Variants in LONP2 observed in about 807,000 individuals in gnomAD.
LONP2 encodes the protein lon peptidase 2, peroxisomal.
In LONP2, 60 loss-of-function variants were observed where a neutral mutation model predicts 85.6. That is an observed-to-expected ratio of 0.70 (90% CI 0.57 to 0.87). The LOEUF (loss-of-function observed/expected upper bound fraction) is 0.87, where lower values mean the gene tolerates loss of function less well. Ranked by LOEUF, LONP2 falls within the 40% of genes least tolerant of loss-of-function variation. The pLI is 0.00. For synonymous variants in LONP2, 395 were observed against 389.7 expected (o/e 1.01, Z -0.16); for missense variants, 860 against 1,063.5 (o/e 0.81, Z 2.66).
In LONP2 at chr16:48,252,295, T is replaced by G. The variant is rs1443197012; in HGVS notation, c.398T>G (p.Phe133Cys). The change falls in exon 2 of 15, where the codon TTT becomes TGT. Residue 133 changes from phenylalanine to cysteine, a missense_variant. Around this residue, in one of 3 missense-constraint regions of LONP2, gnomAD observed 743 missense variants for 917.3 expected, o/e 0.81. Coordinates refer to ENST00000285737, the MANE Select transcript of LONP2 (RefSeq NM_031490.5). Reference protein sequence around the residue: ...EVEQLDRLEEFPNTCKMREEL... With the variant: ...EVEQLDRLEECPNTCKMREEL... ...GAGCAGTTGGACCGACTTGAGGAGT[T>G]TCCCAACACCTGTAAAATGAGGGAG... 6.2e-7 allele frequency: 1 copy of G among 1,614,028 alleles called. No homozygotes were observed. Among genetic ancestry groups the G allele is most frequent in the Non-Finnish European group, 8.5e-7 (1 of 1,179,958 alleles).
At position 48,291,571 on chromosome 16, in the gene LONP2, G is replaced by A. The variant is rs188159577; in HGVS notation, c.1384-4444G>A. Among the ~76,000 whole-genome samples, 3 of 152,314 alleles carry A rather than the reference G, an allele frequency of 2.0e-5. No homozygotes were observed. The East Asian group carries it at 5.8e-4, about 29-fold the overall frequency. ...CTATTTCCATTCCCAGTCATACTTT[G>A]TAGGTAGGAATTATAGTCCTAGGAT... On this transcript the variant is annotated intron_variant, in intron 8 of 14. Transcript: ENST00000285737.
At chr16:48,258,277 G>T (rs1971803144) in intron 3 of LONP2, among the ~76,000 whole-genome samples, 1 of 151,786 alleles carries the variant, frequency 6.6e-6, no homozygotes, top group African/African-American at 2.4e-5. Context: ...AACCCAGGAG[G>T]GGGAGCTTGC....
chr16:48,307,164 G>T (rs9940237), intron 11 of LONP2, among the ~76,000 whole-genome samples: 425 of 152,292 alleles, frequency 2.8e-3, no homozygotes, highest in African/African-American at 9.7e-3. Context: ...GTGAGATTTA[G>T]AATTGATCGA....
At chr16:48,285,262 G>A (rs1469295861) in intron 8 of LONP2, among the ~76,000 whole-genome samples, 2 of 151,876 alleles carry the variant, frequency 1.3e-5, no homozygotes, top group Non-Finnish European at 2.9e-5. Flanking sequence ...TTCTCTCATA[G>A]TTTTCAGTAT....
intron 11 of LONP2, among the ~76,000 whole-genome samples, chr16:48,326,615 C>A (rs1003986499): frequency 6.6e-6 from 1 of 152,172 alleles, no homozygotes; most frequent in African/African-American, 2.4e-5. Flanking sequence ...GTGGGTGTTG[C>A]GCTTTTTATG....
intron 11 of LONP2, among the ~76,000 whole-genome samples, chr16:48,310,060 T>TA (rs546827476): frequency 0.011 from 1,546 of 144,486 alleles, 10 homozygotes; most frequent in African/African-American, 0.029. Context: ...TACTGGCCTT[T>TA]AAAAAAAAAA....
Position 48,244,478 on chromosome 16 carries a change from C to A in LONP2, c.90C>A (p.Arg30=). ...EGVLLPGSTM[R]TSVDSARNLQ... Reference sequence around the variant, plus strand: ...TCCTGCTGCCCGGCTCCACCATGCGCACCAGCGTGGACTCGGCCCGCAACC... The same window carrying A: ...TCCTGCTGCCCGGCTCCACCATGCGAACCAGCGTGGACTCGGCCCGCAACC... The change falls in exon 1 of 15, where the codon CGC becomes CGA. Residue 30 remains arginine (R), a synonymous_variant. Transcript: ENST00000285737. The A allele has an allele frequency of 6.2e-7, 1 of 1,600,214 alleles. No homozygotes were observed. Among genetic ancestry groups the A allele is most frequent in the African/African-American group, 1.3e-5 (1 of 74,628 alleles).
intron 4 of LONP2, among the ~76,000 whole-genome samples, chr16:48,260,780 G>C (rs779976294): frequency 6.6e-6 from 1 of 152,188 alleles, no homozygotes; most frequent in Non-Finnish European, 1.5e-5. Flanking sequence ...AGATTTGAAA[G>C]AACAATTTTG....
At position 48,334,209 on chromosome 16, in the gene LONP2, C is replaced by A; in HGVS notation, c.1796-7C>A. 6.3e-7 allele frequency: 1 copy of A among 1,598,470 alleles called. No homozygotes were observed. Among genetic ancestry groups the A allele is most frequent in the Non-Finnish European group, 8.5e-7 (1 of 1,174,666 alleles). On this transcript the variant is annotated splice_region_variant and splice_polypyrimidine_tract_variant and intron_variant, in intron 11 of 14. Coordinates refer to ENST00000285737, the MANE Select transcript of LONP2 (RefSeq NM_031490.5). The stretch of plus-strand genomic sequence containing the variant: ...AGAACTTCTAAATACATTTTTTTTT[C>A]TTTTAGGTTGCAGAGAACACATCTT...
At chr16:48,275,915 G>A (rs1330900674) in intron 7 of LONP2, among the ~76,000 whole-genome samples, 1 of 152,036 alleles carries the variant, frequency 6.6e-6, no homozygotes, top group Non-Finnish European at 1.5e-5. Flanking sequence ...TTCTCTCTGT[G>A]ACTTCAGGTG....
At position 48,355,060 on chromosome 16, in the gene LONP2, C is replaced by CTGAT. The variant is rs1389329481; in HGVS notation, c.*3261_*3264dup. On this transcript the variant is annotated 3_prime_UTR_variant, in exon 15 of 15. Transcript: ENST00000285737. ...CGCATTTGGTTTATCCACTCATCTGCTGATTGTTTCCCCCTCTTGGGTATT... is the reference window on the plus strand; with the variant it reads ...CGCATTTGGTTTATCCACTCATCTGCTGATTGATTGTTTCCCCCTCTTGGGTATT... The CTGAT allele has an allele frequency of 6.6e-6, 1 of 152,172 alleles. No individual in the cohort carries two copies. Among genetic ancestry groups the CTGAT allele is most frequent in the African/African-American group, 2.4e-5 (1 of 41,444 alleles). 9.4% of individuals were successfully genotyped at this position (152,172 alleles called of 1,614,324 possible).
chr16:48,261,355 T>A (rs1219967015), intron 4 of LONP2, 69 bp from the exon 5 acceptor site: 1 of 1,141,432 alleles, frequency 8.8e-7, no homozygotes, highest in African/African-American at 1.6e-5. Flanking sequence ...CATAATCTTA[T>A]GTGTACCTGG....
At chr16:48,302,122 C>G (rs1430139345) in intron 10 of LONP2, among the ~76,000 whole-genome samples, 1 of 152,114 alleles carries the variant, frequency 6.6e-6, no homozygotes, top group Non-Finnish European at 1.5e-5. Flanking sequence ...TATTCTCTTC[C>G]CTTTTTCAGT....
At position 48,258,717 on chromosome 16, in the gene LONP2, C is replaced by A. The variant is rs2150967564; in HGVS notation, c.700C>A (p.Pro234Thr). The change falls in exon 4 of 15, where the codon CCC becomes ACC. Residue 234 changes from proline to threonine, a missense_variant. Physicochemically the swap from Pro to Thr is conservative, Grantham distance 38. Transcript: ENST00000285737. ...GAAATTGCTTCAAAAAACCAGAAAACCCAAGCAAGATGATGATAAGAGGGT... is the reference window on the plus strand; with the variant it reads ...GAAATTGCTTCAAAAAACCAGAAAAACCAAGCAAGATGATGATAAGAGGGT... Reference protein sequence around the residue: ...GLKLLQKTRKPKQDDDKRVIA... With the variant: ...GLKLLQKTRKTKQDDDKRVIA... The A allele has an allele frequency of 6.2e-7, 1 of 1,610,734 alleles. No homozygotes were observed. The highest frequency in any genetic ancestry group is 1.3e-5 in the African/African-American group (1 of 74,690).
intron 8 of LONP2, among the ~76,000 whole-genome samples, chr16:48,289,459 C>T (rs1972515826): frequency 6.6e-6 from 1 of 152,098 alleles, no homozygotes; most frequent in Non-Finnish European, 1.5e-5. Context: ...CCAAAGGGGG[C>T]AATCAGGTTT....
rs762764557 is a variant in LONP2 at position 48,277,314 on chromosome 16, G to C, written c.1242-24G>C. ...CCTGCCTCCTGACATCTCACACTGT[G>C]AATGTGCTACTTGCTTTCTCTAGGC... On this transcript the variant is annotated intron_variant, in intron 7 of 14. Transcript: ENST00000285737. The C allele has an allele frequency of 5.0e-6, 8 of 1,608,498 alleles. No homozygotes were observed. In the Admixed American group the frequency reaches 1.2e-4, roughly 24 times the overall value.
Position 48,296,057 on chromosome 16 carries a change from C to T in LONP2, c.1426C>T (p.Leu476=). ...EQNHNFTDHY[L]NVAFDLSQVL... is the part of the protein sequence containing the mutation. ...AAACCATAACTTCACAGATCATTAT[C>T]TAAATGTGGCCTTTGACCTTTCTCA... Residue 476 remains leucine (L), a synonymous_variant, in exon 9 of 15, where the codon CTA becomes TTA. Coordinates refer to ENST00000285737, the MANE Select transcript of LONP2 (RefSeq NM_031490.5). 1 of 1,614,152 alleles carries T rather than the reference C, an allele frequency of 6.2e-7. No individual in the cohort carries two copies. Among genetic ancestry groups the T allele is most frequent in the Non-Finnish European group, 8.5e-7 (1 of 1,179,996 alleles).
intron 4 of LONP2, among the ~76,000 whole-genome samples, chr16:48,261,031 A>T (rs1971863703): frequency 1.3e-5 from 2 of 152,202 alleles, no homozygotes; most frequent in Admixed American, 1.3e-4. Flanking sequence ...GTAATGTAGG[A>T]GATAAAATGG....
intron 11 of LONP2, among the ~76,000 whole-genome samples, chr16:48,326,372 A>G (rs1369858912): frequency 6.6e-6 from 1 of 152,200 alleles, no homozygotes; most frequent in Non-Finnish European, 1.5e-5. Context: ...GCTGTTTGTG[A>G]AAATGAACAC....
Sources: gnomAD v4.1 joint callset for allele counts (sites outside exome capture counted in the v4.1 genomes callset) on GRCh38, gnomAD v4.1.1 for gene constraint, gnomAD v4.1.1 regional missense constraint, MANE v1.5 for transcripts, NCBI Gene and HGNC (gene_info 2026-07-23, HGNC 2026-07-21) for gene names.